ZHX3: variants seen among roughly 807,000 people sequenced by gnomAD.
ZHX3 encodes zinc fingers and homeoboxes protein 3.
In ZHX3, 20 loss-of-function variants were observed where a neutral mutation model predicts 64.5. The ratio of observed to expected loss-of-function variants is 0.31; its 90% CI spans 0.22 to 0.45. The LOEUF is 0.45. Ranked by LOEUF, ZHX3 falls within the 20% of genes least tolerant of loss-of-function variation. The pLI, the probability that ZHX3 is intolerant of heterozygous loss-of-function variation, is 1.00. For synonymous variants in ZHX3, 423 were observed against 461.6 expected (o/e 0.92, Z 1.07); for missense variants, 1,041 against 1,195.8 (o/e 0.87, Z 1.91).
At chr20:41,289,539 T>G in intron 1 of ZHX3, among the ~76,000 whole-genome samples, 1 of 152,186 alleles carries the variant, frequency 6.6e-6, no homozygotes, top group East Asian at 1.9e-4. Flanking sequence ...TCAGTACATC[T>G]CATTTTATTC....
At position 41,202,748 on chromosome 20, in the gene ZHX3, GCTGA is replaced by G; in HGVS notation, c.2165_2168del (p.Val722AlafsTer7). 6.2e-7 allele frequency: 1 copy of G among 1,614,122 alleles called. No individual in the cohort carries two copies. The highest frequency in any genetic ancestry group is 8.5e-7 in the Non-Finnish European group (1 of 1,180,016). On this transcript the variant is annotated frameshift_variant, in exon 3 of 4. Coordinates refer to ENST00000683867, the MANE Select transcript of ZHX3 (RefSeq NM_001384317.1). LOFTEE classifies it high-confidence loss of function. This position sits in a 1 kb window ranked among gnomAD's most constrained non-coding sequence, Gnocchi z 7.0. ...GGTTCTTCAGGTTGATTTTAATGGG[GCTGA>G]CTTTGCGCTCTGCCAAGATATGGCT...
intron 2 of ZHX3, among the ~76,000 whole-genome samples, chr20:41,222,038 G>A (rs572856773): frequency 1.3e-5 from 2 of 152,190 alleles, no homozygotes; most frequent in Non-Finnish European, 1.5e-5. Flanking sequence ...CATCCGACAC[G>A]TGTCCTTCAG....
chr20:41,254,104 G>A (rs2042120916), intron 2 of ZHX3, among the ~76,000 whole-genome samples: 1 of 152,056 alleles, frequency 6.6e-6, no homozygotes, highest in South Asian at 2.1e-4. Flanking sequence ...GGGCAACATC[G>A]CAAGACCCTG....
rs75202065 is a variant in ZHX3, at chr20:41,316,577, G to C, written c.-245+932C>G. Among the ~76,000 whole-genome samples, 1,734 of 152,154 alleles carry C rather than the reference G, an allele frequency of 0.011. 204 individuals are homozygous for C. The East Asian group carries it at 0.26, about 23-fold the overall frequency. The stretch of plus-strand genomic sequence containing the variant: ...GGACGCCTCATGAATAAACATTTAG[G>C]ATATCTGGATAAATATATACTATGT... On this transcript the variant is annotated intron_variant, in intron 1 of 3. Transcript: ENST00000683867.
At chr20:41,235,807 A>G (rs2040939551) in intron 2 of ZHX3, among the ~76,000 whole-genome samples, 1 of 152,216 alleles carries the variant, frequency 6.6e-6, no homozygotes, top group Admixed American at 6.5e-5. Flanking sequence ...AGGGTATTCA[A>G]TTAGGAAAAG....
At chr20:41,215,785 A>T (rs866051699) in intron 2 of ZHX3, among the ~76,000 whole-genome samples, 4 of 150,502 alleles carry the variant, frequency 2.7e-5, no homozygotes, top group Non-Finnish European at 5.9e-5. Flanking sequence ...AAAAAAAAAA[A>T]AAAAAAATAC....
At chr20:41,240,531 G>T (rs1600473350) in intron 2 of ZHX3, among the ~76,000 whole-genome samples, 2 of 152,184 alleles carry the variant, frequency 1.3e-5, no homozygotes, top group Middle Eastern at 3.4e-3. Flanking sequence ...TTTATCCTTT[G>T]AATTATACTG....
chr20:41,310,681 T>A (rs1046549133), intron 1 of ZHX3, among the ~76,000 whole-genome samples: 1 of 99,830 alleles, frequency 1.0e-5, no homozygotes, highest in Admixed American at 9.5e-5. Flanking sequence ...GGGGAAGAGG[T>A]TTTTTTTTTT....
rs534289414 is a variant in ZHX3, at chr20:41,179,519, T to C, written c.*5672A>G. Reference sequence around the variant, plus strand: ...TTCATAGGTACCATGTAGATTTTTCTTTTAAATGTATTTCTACTCAGGTTT... The same window carrying C: ...TTCATAGGTACCATGTAGATTTTTCCTTTAAATGTATTTCTACTCAGGTTT... On this transcript the variant is annotated 3_prime_UTR_variant, in exon 4 of 4. Transcript: ENST00000683867. The surrounding 1 kb of genome is among the most constrained non-coding windows in gnomAD (Gnocchi z 4.3). The C allele has an allele frequency of 1.3e-5, 2 of 152,370 alleles. No homozygotes were observed. The highest frequency in any genetic ancestry group is 4.8e-5 in the African/African-American group (2 of 41,598). The allele number at this position is 152,370 out of a possible 1,614,324, so 9.4% of individuals were successfully genotyped here.
chr20:41,302,752 T>C (rs1480868361), intron 1 of ZHX3, among the ~76,000 whole-genome samples: 18 of 152,240 alleles, frequency 1.2e-4, no homozygotes. Flanking sequence ...CAGGGCAACC[T>C]GGAAACCATG....
intron 1 of ZHX3, among the ~76,000 whole-genome samples, chr20:41,309,005 G>C (rs889418075): frequency 3.9e-4 from 59 of 152,004 alleles, no homozygotes; most frequent in African/African-American, 1.4e-3. Flanking sequence ...TATTCCTGTT[G>C]AACATGATAA....
intron 3 of ZHX3, among the ~76,000 whole-genome samples, chr20:41,190,860 A>G (rs772513487): frequency 1.3e-5 from 2 of 151,856 alleles, no homozygotes; most frequent in Admixed American, 6.6e-5. Flanking sequence ...TCAACATATT[A>G]TCTCATTTTC....
At chr20:41,225,425 CCTTT>C (rs1170068004) in intron 2 of ZHX3, among the ~76,000 whole-genome samples, 11 of 152,318 alleles carry the variant, frequency 7.2e-5, no homozygotes, top group South Asian at 2.1e-4. Flanking sequence ...ACCCAGCCTA[CCTTT>C]CTTTCTTTTT....
chr20:41,215,835 C>T (rs1234495443), intron 2 of ZHX3, among the ~76,000 whole-genome samples: 1 of 149,832 alleles, frequency 6.7e-6, no homozygotes, highest in Non-Finnish European at 1.5e-5. Context: ...GCCTGTAGTC[C>T]CAGCCACTCA....
At position 41,311,542 on chromosome 20, in the gene ZHX3, G is replaced by T. The variant is rs964300725; in HGVS notation, c.-245+5967C>A. Among the ~76,000 whole-genome samples the T allele has an allele frequency of 6.6e-5, 10 of 152,218 alleles. No homozygotes were observed. The East Asian group carries it at 1.7e-3, about 26-fold the overall frequency. ...TTTTTAATGCTCTCATACATGCTTA[G>T]AAAAACAAGAGAAACCATCAGGGAT... On this transcript the variant is annotated intron_variant, in intron 1 of 3. Coordinates refer to ENST00000683867, the MANE Select transcript of ZHX3 (RefSeq NM_001384317.1).
rs1171799665 is a variant in ZHX3, at chr20:41,180,055, C to CA, written c.*5135dup. 2 of 152,696 alleles carry CA rather than the reference C, an allele frequency of 1.3e-5. No homozygotes were observed. Among genetic ancestry groups the CA allele is most frequent in the Non-Finnish European group, 2.9e-5 (2 of 68,058 alleles). 9.5% of individuals were successfully genotyped at this position (152,696 alleles called of 1,614,324 possible). On this transcript the variant is annotated 3_prime_UTR_variant, in exon 4 of 4. Transcript: ENST00000683867. ...GTGTGTGTGCACGCGCACATGAACACACGTTTCAAGCCAGTCTCCTGAAGG... is the reference window on the plus strand; with the variant it reads ...GTGTGTGTGCACGCGCACATGAACACAACGTTTCAAGCCAGTCTCCTGAAGG...
chr20:41,311,678 C>T (rs2045141270), intron 1 of ZHX3, among the ~76,000 whole-genome samples: 1 of 152,150 alleles, frequency 6.6e-6, no homozygotes, highest in Non-Finnish European at 1.5e-5. Flanking sequence ...AATCCTAATT[C>T]CACCATATTC....
At chr20:41,245,960 C>T (rs1246715471) in intron 2 of ZHX3, among the ~76,000 whole-genome samples, 1 of 152,242 alleles carries the variant, frequency 6.6e-6, no homozygotes, top group Non-Finnish European at 1.5e-5. Flanking sequence ...GCCTTCAATG[C>T]TGGAACCTCA....
intron 3 of ZHX3, among the ~76,000 whole-genome samples, chr20:41,192,116 G>C (rs1020186619): frequency 3.9e-4 from 59 of 152,206 alleles, no homozygotes; most frequent in African/African-American, 1.4e-3. Flanking sequence ...CAAGTGATAT[G>C]TGCTTGTGTT....
Sources: gnomAD v4.1 joint callset for allele counts (sites outside exome capture counted in the v4.1 genomes callset) on GRCh38, gnomAD v4.1.1 for gene constraint, Gnocchi (gnomAD v3.1) non-coding constraint, MANE v1.5 for transcripts, NCBI Gene and HGNC (gene_info 2026-07-23, HGNC 2026-07-21) for gene names.